The following PPP2R2B variants were observed in gnomAD, a reference collection of about 807,000 sequenced individuals.
PPP2R2B encodes protein phosphatase 2 regulatory subunit Bbeta.
In PPP2R2B, 5 loss-of-function variants were observed where a neutral mutation model predicts 46.0. That is an observed-to-expected ratio of 0.11 (90% confidence interval 0.06 to 0.23). The LOEUF is 0.23. Ranked by LOEUF, PPP2R2B falls within the 10% of genes least tolerant of loss-of-function variation. The probability of loss-of-function intolerance (pLI) is 1.00; values close to 1 mark genes in which losing one functional copy is unlikely to be tolerated. For synonymous variants in PPP2R2B, 215 were observed against 206.7 expected (o/e 1.04, Z -0.34); for missense variants, 367 against 575.0 (o/e 0.64, Z 3.70).
intron 1 of PPP2R2B, among the ~76,000 whole-genome samples, chr5:146,936,203 T>A (rs2151825752): frequency 6.6e-6 from 1 of 152,272 alleles, no homozygotes; most frequent in Non-Finnish European, 1.5e-5. Context: ...GTATCTTATC[T>A]TTTGAGAGTT....
intron 5 of PPP2R2B, among the ~76,000 whole-genome samples, chr5:146,661,508 A>T: frequency 6.6e-6 from 1 of 152,254 alleles, no homozygotes; most frequent in Non-Finnish European, 1.5e-5. Context: ...GACATATAAA[A>T]TATATATTTG....
intron 2 of PPP2R2B, among the ~76,000 whole-genome samples, chr5:146,764,905 C>T (rs190432446): frequency 1.8e-3 from 267 of 151,922 alleles, no homozygotes; most frequent in African/African-American, 6.3e-3. Context: ...CTAGTTATTG[C>T]CAAAATATTA....
intron 7 of PPP2R2B, among the ~76,000 whole-genome samples, chr5:146,601,848 G>T (rs1340136522): frequency 6.6e-6 from 1 of 152,128 alleles, no homozygotes; most frequent in Non-Finnish European, 1.5e-5. Flanking sequence ...TGTGTGGATT[G>T]TCTATTTGCA....
intron 2 of PPP2R2B, among the ~76,000 whole-genome samples, chr5:146,875,764 T>C (rs1313256644): frequency 6.6e-6 from 1 of 152,158 alleles, no homozygotes; most frequent in Non-Finnish European, 1.5e-5. Flanking sequence ...TATAAGTTAA[T>C]AAGGGGGAAG....
intron 4 of PPP2R2B, among the ~76,000 whole-genome samples, chr5:146,696,891 T>C (rs140779539): frequency 5.3e-5 from 8 of 152,342 alleles, no homozygotes; most frequent in African/African-American, 1.4e-4. Context: ...ATGAGACTCA[T>C]TGTAAAACTT....
chr5:146,875,985 A>T (rs1373249215), intron 2 of PPP2R2B, among the ~76,000 whole-genome samples: 1 of 152,228 alleles, frequency 6.6e-6, no homozygotes, highest in Non-Finnish European at 1.5e-5. Context: ...TGGTATTTAC[A>T]TCGTTTAAGT....
At chr5:146,633,756 G>C (rs570150074) in intron 7 of PPP2R2B, among the ~76,000 whole-genome samples, 5 of 152,308 alleles carry the variant, frequency 3.3e-5, no homozygotes, top group African/African-American at 9.6e-5. Flanking sequence ...AGGCTGGAGG[G>C]AGAAGCAGCT....
At chr5:146,933,131 T>A (rs1764020944) in intron 1 of PPP2R2B, among the ~76,000 whole-genome samples, 1 of 152,178 alleles carries the variant, frequency 6.6e-6, no homozygotes, top group Admixed American at 6.5e-5. Flanking sequence ...TTATATATAT[T>A]TTTAATATCC....
chr5:147,020,459 TA>T (rs949372575), intron 1 of PPP2R2B, among the ~76,000 whole-genome samples: 53 of 152,022 alleles, frequency 3.5e-4, no homozygotes, highest in African/African-American at 1.1e-3. Context: ...ATATATGCAT[TA>T]AAAAATAGTG....
intron 5 of PPP2R2B, among the ~76,000 whole-genome samples, chr5:146,675,690 G>A (rs549323724): frequency 1.3e-5 from 2 of 152,264 alleles, no homozygotes; most frequent in South Asian, 2.1e-4. Context: ...GAGCCAGTGG[G>A]CATTTGTCTT....
chr5:146,899,325 G>T (rs1297558268), intron 1 of PPP2R2B, among the ~76,000 whole-genome samples: 2 of 148,318 alleles, frequency 1.3e-5, no homozygotes, highest in Non-Finnish European at 3.0e-5. Flanking sequence ...TCCTTTGTAG[G>T]GATGTGGATG....
intron 8 of PPP2R2B, among the ~76,000 whole-genome samples, chr5:146,594,277 G>C (rs2151004967): frequency 6.6e-6 from 1 of 152,320 alleles, no homozygotes; most frequent in Non-Finnish European, 1.5e-5. Flanking sequence ...AAAGGGTTGA[G>C]AAACAGTGTC....
intron 1 of PPP2R2B, among the ~76,000 whole-genome samples, chr5:147,039,915 C>T (rs1258157543): frequency 6.6e-6 from 1 of 152,134 alleles, no homozygotes; most frequent in Non-Finnish European, 1.5e-5. Context: ...TGGCCCAACA[C>T]TAAATTTCCT....
intron 2 of PPP2R2B, among the ~76,000 whole-genome samples, chr5:146,762,864 G>A (rs566331734): frequency 6.6e-6 from 1 of 152,232 alleles, no homozygotes; most frequent in Non-Finnish European, 1.5e-5. Context: ...ACCAGACCAA[G>A]TCCAGGTCTG....
At chr5:146,726,661 AC>A (rs776117154) in intron 2 of PPP2R2B, among the ~76,000 whole-genome samples, 1 of 152,178 alleles carries the variant, frequency 6.6e-6, no homozygotes, top group Non-Finnish European at 1.5e-5. Context: ...TAAGATTCAA[AC>A]CCACACAGTC....
chr5:147,029,731 C>CA (rs1330155084), intron 1 of PPP2R2B, among the ~76,000 whole-genome samples: 1 of 152,022 alleles, frequency 6.6e-6, no homozygotes, highest in Non-Finnish European at 1.5e-5. Flanking sequence ...GAAAAGACAC[C>CA]AAGAGTGGGC....
intron 5 of PPP2R2B, among the ~76,000 whole-genome samples, chr5:146,677,586 T>C (rs543141601): frequency 8.7e-5 from 11 of 126,714 alleles, no homozygotes; most frequent in African/African-American, 3.4e-4. Flanking sequence ...TCACTCAGGC[T>C]GGAGTGCAGT....
rs117933751 is a variant in PPP2R2B, at chr5:147,044,779, A to G, written c.79+10886T>C. On this transcript the variant is annotated intron_variant, in intron 1 of 8. Coordinates refer to the PPP2R2B transcript ENST00000336640. ...GCTGCCTTGCTGTTTCTATAGGAAT[A>G]TATGCAGCAGAGCATATGCACAATT... Among the ~76,000 whole-genome samples, 117 of 152,272 alleles carry G rather than the reference A, an allele frequency of 7.7e-4. 1 individual carries two copies. The East Asian group carries it at 0.021, about 28-fold the overall frequency.
chr5:146,902,742 G>A (rs985126067), intron 1 of PPP2R2B, among the ~76,000 whole-genome samples: 2 of 152,178 alleles, frequency 1.3e-5, no homozygotes, highest in East Asian at 1.9e-4. Flanking sequence ...AACTCCTTAA[G>A]CTGATAATCG....
Sources: allele counts gnomAD v4.1 joint callset (sites outside exome capture counted in the v4.1 genomes callset), GRCh38; gene constraint gnomAD v4.1.1; transcripts MANE v1.5; gene names NCBI Gene and HGNC (gene_info 2026-07-23, HGNC 2026-07-21).